TRPM3: variants seen among roughly 807,000 people sequenced by gnomAD.
TRPM3 encodes transient receptor potential cation channel subfamily M member 3.
A neutral mutation model predicts 181.2 loss-of-function variants in TRPM3; 77 were observed. That is an observed-to-expected ratio of 0.42 (90% confidence interval 0.35 to 0.51). The LOEUF (loss-of-function observed/expected upper bound fraction) is 0.51, where lower values mean the gene tolerates loss of function less well. Ranked by LOEUF, TRPM3 falls within the 20% of genes least tolerant of loss-of-function variation. TRPM3 has a pLI of 0.01. For synonymous variants in TRPM3, 745 were observed against 796.4 expected (o/e 0.94, Z 1.09); for missense variants, 1,759 against 2,196.7 (o/e 0.80, Z 3.98).
At chr9:70,540,308 C>T (rs917464811) in intron 25 of TRPM3, among the ~76,000 whole-genome samples, 1 of 152,204 alleles carries the variant, frequency 6.6e-6, no homozygotes, top group African/African-American at 2.4e-5. Context: ...ATTTCTCCTT[C>T]TCCCTTTCTC....
At chr9:71,227,101 T>C (rs55784494) in intron 1 of TRPM3, among the ~76,000 whole-genome samples, 34,243 of 127,640 alleles carry the variant, frequency 0.27, 5,134 homozygotes, top group Middle Eastern at 0.45. Context: ...AGCATGATAC[T>C]TCATCTCAAA....
intron 1 of TRPM3, chr9:70,917,570 T>TTTTTTTTTTTTTTTTTTTTTTTTTTTG: frequency 8.4e-6 from 5 of 594,858 alleles, no homozygotes; most frequent in Non-Finnish European, 1.6e-5. Context: ...TAAGTTGTTA[T>TTTTTTTTTTTTTTTTTTTTTTTTTTTG]ATCAACTTAA....
intron 1 of TRPM3, among the ~76,000 whole-genome samples, chr9:71,132,949 T>C (rs1289092397): frequency 6.6e-6 from 1 of 152,136 alleles, no homozygotes; most frequent in Non-Finnish European, 1.5e-5. Context: ...TATGGATATA[T>C]AGTACAGTAC....
chr9:71,009,492 A>G (rs1225599019), intron 1 of TRPM3, among the ~76,000 whole-genome samples: 1 of 152,168 alleles, frequency 6.6e-6, no homozygotes, highest in African/African-American at 2.4e-5. Context: ...TTTATTTACA[A>G]TAGCTACAAA....
intron 5 of TRPM3, among the ~76,000 whole-genome samples, chr9:70,834,459 G>T (rs2094168009): frequency 6.6e-6 from 1 of 152,218 alleles, no homozygotes; most frequent in Non-Finnish European, 1.5e-5. Flanking sequence ...CCATGTATGA[G>T]TGGGGTGATT....
intron 1 of TRPM3, among the ~76,000 whole-genome samples, chr9:71,353,184 C>A (rs2091736811): frequency 6.6e-6 from 1 of 152,058 alleles, no homozygotes; most frequent in Non-Finnish European, 1.5e-5. Flanking sequence ...TGCACCACCC[C>A]ACCCTCACAT....
intron 5 of TRPM3, among the ~76,000 whole-genome samples, chr9:70,841,633 T>TAC (rs1476276484): frequency 1.1e-4 from 8 of 74,036 alleles, no homozygotes; most frequent in African/African-American, 4.5e-4. Flanking sequence ...ACTATATATA[T>TAC]ATATATATAT....
intron 1 of TRPM3, among the ~76,000 whole-genome samples, chr9:70,991,532 C>G (rs2097484452): frequency 7.0e-6 from 1 of 142,488 alleles, no homozygotes; most frequent in African/African-American, 2.6e-5. Flanking sequence ...TGCAATTGGT[C>G]TCCTTTGAAA....
rs192277784 is a variant in TRPM3, at chr9:71,439,098, T to C, written c.183+7555A>G. Among the ~76,000 whole-genome samples the C allele has an allele frequency of 6.8e-4, 103 of 152,248 alleles. No individual in the cohort carries two copies. In the South Asian group the frequency reaches 7.3e-3, roughly 11 times the overall value. ...CAATAAACTACCTTTGGTAAAAACA[T>C]AGAAGAATGGACATTTCAAGGACCA... On this transcript the variant is annotated intron_variant, in intron 1 of 24. Coordinates refer to the TRPM3 transcript ENST00000357533.
intron 22 of TRPM3, among the ~76,000 whole-genome samples, chr9:70,586,125 C>T (rs1455297680): frequency 6.6e-6 from 1 of 152,300 alleles, no homozygotes; most frequent in South Asian, 2.1e-4. Context: ...CATCTCCCAC[C>T]CCAGGTAGAA....
At chr9:71,262,314 G>A (rs983180674) in intron 1 of TRPM3, among the ~76,000 whole-genome samples, 2 of 152,164 alleles carry the variant, frequency 1.3e-5, no homozygotes, top group Non-Finnish European at 1.5e-5. Flanking sequence ...TGTTTACACT[G>A]TGAGGGGAAA....
intron 1 of TRPM3, among the ~76,000 whole-genome samples, chr9:71,369,022 G>A (rs2092428012): frequency 6.6e-6 from 1 of 152,112 alleles, no homozygotes; most frequent in Non-Finnish European, 1.5e-5. Flanking sequence ...AAAATGCCAT[G>A]CTTAGAAGAT....
chr9:70,627,519 C>G (rs1239203468), intron 12 of TRPM3, among the ~76,000 whole-genome samples: 2 of 151,824 alleles, frequency 1.3e-5, no homozygotes, highest in Non-Finnish European at 2.9e-5. Context: ...GTGATCCTCC[C>G]GCCTCGGCCT....
At chr9:71,271,040 A>C (rs570476550) in intron 1 of TRPM3, among the ~76,000 whole-genome samples, 1 of 152,182 alleles carries the variant, frequency 6.6e-6, no homozygotes, top group Non-Finnish European at 1.5e-5. Context: ...AGAACTATCC[A>C]AATAAGTCAT....
At chr9:70,857,700 T>C (rs529609753) in intron 3 of TRPM3, among the ~76,000 whole-genome samples, 1 of 152,282 alleles carries the variant, frequency 6.6e-6, no homozygotes, top group Admixed American at 6.5e-5. Flanking sequence ...TAACTGTGAC[T>C]CTGGGAAAAT....
intron 1 of TRPM3, among the ~76,000 whole-genome samples, chr9:71,311,097 G>A (rs2087886929): frequency 6.6e-6 from 1 of 151,790 alleles, no homozygotes; most frequent in South Asian, 2.1e-4. Flanking sequence ...CTTTTTTGGA[G>A]GGTGACTTTA....
chr9:71,384,391 A>G (rs928648329), intron 1 of TRPM3, among the ~76,000 whole-genome samples: 3 of 152,232 alleles, frequency 2.0e-5, no homozygotes, highest in African/African-American at 7.2e-5. Context: ...CAAAAAGTAA[A>G]GCATAATAGA....
chr9:70,881,268 T>G (rs1035307097), intron 1 of TRPM3, among the ~76,000 whole-genome samples: 2 of 152,144 alleles, frequency 1.3e-5, no homozygotes, highest in Non-Finnish European at 2.9e-5. Flanking sequence ...TTTATCATAA[T>G]AGGTGGCTGA....
At chr9:70,609,976 G>A (rs1355839809) in intron 19 of TRPM3, among the ~76,000 whole-genome samples, 1 of 151,976 alleles carries the variant, frequency 6.6e-6, no homozygotes, top group African/African-American at 2.4e-5. Flanking sequence ...ACCATATCAG[G>A]AGGTCGTCAT....
Sources: gnomAD v4.1 joint callset for allele counts (sites outside exome capture counted in the v4.1 genomes callset) on GRCh38, gnomAD v4.1.1 for gene constraint, MANE v1.5 for transcripts, NCBI Gene and HGNC (gene_info 2026-07-23, HGNC 2026-07-21) for gene names.